Variants in AGBL3 observed in about 807,000 individuals in gnomAD.
The protein encoded by AGBL3 is cytosolic carboxypeptidase 3.
Under a neutral mutation model 94.5 loss-of-function variants are expected in AGBL3, and 68 were observed. The observed-to-expected ratio is 0.72, with a 90% confidence interval of 0.59 to 0.88. The LOEUF (loss-of-function observed/expected upper bound fraction) is 0.88. Ranked by LOEUF, AGBL3 falls within the 40% of genes least tolerant of loss-of-function variation. The probability of loss-of-function intolerance (pLI) is 0.00; values close to 1 mark genes in which losing one functional copy is unlikely to be tolerated. For missense variants in AGBL3, 934 were observed against 1,103.8 expected (o/e 0.85, Z 2.18); for synonymous variants, 354 against 370.7 (o/e 0.95, Z 0.52).
intron 12 of AGBL3, among the ~76,000 whole-genome samples, chr7:135,064,689 C>G (rs559781407): frequency 6.6e-6 from 1 of 152,238 alleles, no homozygotes; most frequent in African/African-American, 2.4e-5. Context: ...AATTTGGGAC[C>G]TGAGCATCTG....
chr7:135,099,525 G>C (rs1171350481), intron 15 of AGBL3, among the ~76,000 whole-genome samples: 1 of 152,012 alleles, frequency 6.6e-6, no homozygotes, highest in Admixed American at 6.6e-5. Context: ...CTCTTTTTTA[G>C]TGAAAATACC....
At chr7:135,084,314 C>T (rs1199049431) in intron 15 of AGBL3, among the ~76,000 whole-genome samples, 1 of 152,050 alleles carries the variant, frequency 6.6e-6, no homozygotes. Flanking sequence ...ATTAGCATCA[C>T]CTCAAACAGT....
At chr7:135,094,488 TG>T (rs1375431831) in intron 15 of AGBL3, 1 of 456,714 alleles carries the variant, frequency 2.2e-6, no homozygotes, top group Admixed American at 2.3e-5. Flanking sequence ...AAACTCCTGG[TG>T]GCCATAGTCT....
intron 4 of AGBL3, among the ~76,000 whole-genome samples, chr7:135,006,988 T>C (rs557622621): frequency 5.3e-5 from 8 of 151,944 alleles, no homozygotes; most frequent in South Asian, 4.2e-4. Context: ...CAAGAGGAAA[T>C]AGAACATCTA....
intron 15 of AGBL3, among the ~76,000 whole-genome samples, chr7:135,083,237 A>G (rs1821067731): frequency 6.6e-6 from 1 of 152,064 alleles, no homozygotes; most frequent in Non-Finnish European, 1.5e-5. Context: ...CCTGCCACCA[A>G]TATTGTCATT....
intron 12 of AGBL3, among the ~76,000 whole-genome samples, chr7:135,075,794 T>C (rs1389966057): frequency 2.0e-5 from 3 of 152,342 alleles, no homozygotes; most frequent in Admixed American, 6.5e-5. Context: ...CGTTATCTCA[T>C]TGTGGTTTTA....
intron 12 of AGBL3, among the ~76,000 whole-genome samples, chr7:135,059,466 C>T (rs1290264019): frequency 6.6e-6 from 1 of 152,122 alleles, no homozygotes; most frequent in African/African-American, 2.4e-5. Flanking sequence ...GAAATTATTT[C>T]TTAAAAGCCA....
chr7:135,012,673 A>G (rs929118752), intron 4 of AGBL3, among the ~76,000 whole-genome samples: 1 of 152,182 alleles, frequency 6.6e-6, no homozygotes, highest in African/African-American at 2.4e-5. Flanking sequence ...AAAGGCACCA[A>G]AGAAACCCAA....
intron 4 of AGBL3, 78 bp downstream of exon 4, chr7:134,993,756 C>T: frequency 1.6e-6 from 2 of 1,226,910 alleles, no homozygotes; most frequent in Non-Finnish European, 2.2e-6. Context: ...AGGAGACTCA[C>T]AATGTTAGAA....
chr7:135,110,566 C>T (rs1049459091), intron 15 of AGBL3, among the ~76,000 whole-genome samples: 17 of 152,172 alleles, frequency 1.1e-4, no homozygotes, highest in African/African-American at 3.9e-4. Context: ...CACTCACTGA[C>T]TCACCCCTTC....
chr7:135,101,915 T>G (rs1458323649), intron 15 of AGBL3, among the ~76,000 whole-genome samples: 1 of 152,176 alleles, frequency 6.6e-6, no homozygotes, highest in African/African-American at 2.4e-5. Context: ...GTCCTCATGA[T>G]AGTAAATAAG....
intron 15 of AGBL3, among the ~76,000 whole-genome samples, chr7:135,107,426 T>C (rs1236279081): frequency 6.6e-6 from 1 of 152,230 alleles, no homozygotes; most frequent in Non-Finnish European, 1.5e-5. Flanking sequence ...TTTGTTCTCA[T>C]TAATTAAAAA....
At chr7:135,018,444 A>T (rs906334431) in intron 5 of AGBL3, among the ~76,000 whole-genome samples, 2 of 152,248 alleles carry the variant, frequency 1.3e-5, no homozygotes, top group African/African-American at 2.4e-5. Flanking sequence ...TTGGAAACGT[A>T]TAATGTGGAG....
intron 3 of AGBL3, among the ~76,000 whole-genome samples, chr7:134,989,964 T>G (rs1171532847): frequency 6.6e-6 from 1 of 152,154 alleles, no homozygotes; most frequent in Non-Finnish European, 1.5e-5. Context: ...GGCATAGAAA[T>G]TTTATAGTAC....
intron 15 of AGBL3, among the ~76,000 whole-genome samples, chr7:135,108,432 C>T (rs1825097700): frequency 6.6e-6 from 1 of 152,132 alleles, no homozygotes; most frequent in South Asian, 2.1e-4. Flanking sequence ...ATTGGCTTAT[C>T]TAAAATGGAT....
intron 5 of AGBL3, among the ~76,000 whole-genome samples, chr7:135,017,471 T>C (rs1813933146): frequency 6.6e-6 from 1 of 152,240 alleles, no homozygotes; most frequent in African/African-American, 2.4e-5. Context: ...TTTGCAATTA[T>C]TGTTCCCTCT....
intron 12 of AGBL3, among the ~76,000 whole-genome samples, chr7:135,071,653 A>C (rs1183970329): frequency 2.6e-5 from 4 of 152,172 alleles, no homozygotes; most frequent in Non-Finnish European, 5.9e-5. Flanking sequence ...CAAAAACAAG[A>C]AATGGGGAAA....
At chr7:135,104,777 GT>G (rs199595037) in intron 15 of AGBL3, among the ~76,000 whole-genome samples, 79 of 145,194 alleles carry the variant, frequency 5.4e-4, no homozygotes, top group African/African-American at 1.4e-3. Flanking sequence ...GGGCTGTTTG[GT>G]TTTTTTTTTT....
intron 5 of AGBL3, among the ~76,000 whole-genome samples, chr7:135,017,457 A>G (rs1247117067): frequency 6.6e-6 from 1 of 152,216 alleles, no homozygotes; most frequent in African/African-American, 2.4e-5. Flanking sequence ...ACCCAGTGAA[A>G]TGCTTTGCAA....
Sources: gnomAD v4.1 joint callset for allele counts (sites outside exome capture counted in the v4.1 genomes callset) on GRCh38, gnomAD v4.1.1 for gene constraint, MANE v1.5 for transcripts, NCBI Gene and HGNC (gene_info 2026-07-23, HGNC 2026-07-21) for gene names.